The following RNF17 variants were observed in gnomAD, a reference collection of about 807,000 sequenced individuals.
RNF17 encodes ring finger protein 17, also known as spermatogenesis associated 23.
Under a neutral mutation model 200.5 loss-of-function variants are expected in RNF17, and 31 were observed. That is an observed-to-expected ratio of 0.15 (90% CI 0.12 to 0.21). The LOEUF (loss-of-function observed/expected upper bound fraction) is 0.21, where lower values mean the gene tolerates loss of function less well. Among genes scored for constraint, RNF17 ranks in the 10% least tolerant of loss-of-function variants. The pLI, the probability that RNF17 is intolerant of heterozygous loss-of-function variation, is 1.00. For missense variants in RNF17, 1,628 were observed against 1,905.1 expected (o/e 0.85, Z 2.71); for synonymous variants, 606 against 637.8 (o/e 0.95, Z 0.75).
intron 3 of RNF17, among the ~76,000 whole-genome samples, chr13:24,778,019 T>C (rs567456358): frequency 3.0e-4 from 46 of 152,166 alleles, no homozygotes; most frequent in South Asian, 8.3e-4. Context: ...CCCAGCACTT[T>C]GGGGGGCCGA....
chr13:24,863,477 A>T (rs1391110011), intron 28 of RNF17, among the ~76,000 whole-genome samples: 2 of 152,170 alleles, frequency 1.3e-5, no homozygotes, highest in Non-Finnish European at 2.9e-5. Context: ...GTTGGTAGGG[A>T]GAGCCTCAGT....
rs376217351 is a variant in RNF17 at position 24,864,254 on chromosome 13, T to C, written c.3976-619T>C. 6.6e-5 allele frequency among the ~76,000 whole-genome samples: 10 copies of C among 152,010 alleles called. No homozygotes were observed. In the East Asian group the frequency reaches 1.9e-3, roughly 29 times the overall value. Reference sequence around the variant, plus strand: ...GGGACTGCATTGGCAGAAGAGGGAATGGTAAGAAGAGATAGGACAAGATCT... The same window carrying C: ...GGGACTGCATTGGCAGAAGAGGGAACGGTAAGAAGAGATAGGACAAGATCT... On this transcript the variant is annotated intron_variant, in intron 28 of 35. Coordinates refer to ENST00000255324, the MANE Select transcript of RNF17 (RefSeq NM_031277.3).
the RNF17 span, among the ~76,000 whole-genome samples, chr13:24,754,496 G>T: frequency 6.6e-6 from 1 of 152,116 alleles, no homozygotes; most frequent in Non-Finnish European, 1.5e-5. Flanking sequence ...TATGCAATCA[G>T]AAGACGTCTG....
At chr13:24,765,743 T>G (rs1339696856) in intron 1 of RNF17, among the ~76,000 whole-genome samples, 1 of 152,212 alleles carries the variant, frequency 6.6e-6, no homozygotes. Flanking sequence ...CTGAAAGTGC[T>G]TTTTAAGCTG....
intron 9 of RNF17, among the ~76,000 whole-genome samples, chr13:24,790,761 A>T (rs1051322821): frequency 1.3e-5 from 2 of 152,198 alleles, no homozygotes; most frequent in Non-Finnish European, 2.9e-5. Flanking sequence ...GTGTCCTCAC[A>T]TGGCAGAAAG....
chr13:24,778,010 C>T (rs1015961025), intron 3 of RNF17, among the ~76,000 whole-genome samples: 8 of 151,970 alleles, frequency 5.3e-5, no homozygotes, highest in Non-Finnish European at 8.8e-5. Flanking sequence ...ACCTATAATC[C>T]CAGCACTTTG....
intron 26 of RNF17, 125 bp downstream of exon 26, chr13:24,859,289 A>T: frequency 1.5e-6 from 1 of 685,576 alleles, no homozygotes. Flanking sequence ...TAGGAAGATC[A>T]GTTATATTGT....
At chr13:24,882,889 C>CA (rs1953902276), downstream of RNF17, 9 of 385,502 alleles carry the variant, frequency 2.3e-5, no homozygotes, top group East Asian at 4.6e-4. Flanking sequence ...TTTTTATAGC[C>CA]ATTTCTAACC....
At chr13:24,799,304 CTT>C (rs2087735997) in intron 11 of RNF17, 89 bp from the exon 12 acceptor site, 1 of 968,144 alleles carries the variant, frequency 1.0e-6, no homozygotes, top group Non-Finnish European at 1.6e-6. Context: ...CGAATTAAGA[CTT>C]TTTCGTGGTA....
chr13:24,750,583 C>T, the RNF17 span: 1 of 152,220 alleles, frequency 6.6e-6, no homozygotes, highest in Non-Finnish European at 1.5e-5. Context: ...TCTTTTTCAT[C>T]TACTTATTTT....
intron 15 of RNF17, among the ~76,000 whole-genome samples, chr13:24,809,981 T>C (rs906749366): frequency 6.6e-6 from 1 of 152,214 alleles, no homozygotes; most frequent in Admixed American, 6.5e-5. Context: ...TGAGTTCTAG[T>C]TTGATTGCAC....
At chr13:24,884,058 T>C, downstream of RNF17, 1 of 1,613,756 alleles carries the variant, frequency 6.2e-7, no homozygotes, top group Non-Finnish European at 8.5e-7. Context: ...ACGTGATTTC[T>C]TTTCTTCCAT....
In RNF17 at chr13:24,859,031, T is replaced by C; in HGVS notation, c.3641T>C (p.Ile1214Thr). ...GAGCTAATAAAAATGACAAATGAAA[T>C]TCAAAGTAATTTAAAATGCCTTGGT... is the stretch of plus-strand genomic sequence containing the variant. ...EFELIKMTNE[I>T]QSNLKCLGLL... The change falls in exon 26 of 36, where the codon ATT (isoleucine) becomes ACT (threonine). Residue 1214 changes from isoleucine to threonine, a missense_variant. Ile to Thr is a moderately conservative substitution (Grantham distance 89). This residue lies in a region of RNF17 where 609 missense variants were observed against 681.9 expected (regional missense o/e 0.89). Transcript: ENST00000255324. 3 of 1,598,000 alleles carry C rather than the reference T, an allele frequency of 1.9e-6. No individual in the cohort carries two copies. Among genetic ancestry groups the C allele is most frequent in the Non-Finnish European group, 1.7e-6 (2 of 1,167,126 alleles).
chr13:24,757,321 CT>C, the RNF17 span, among the ~76,000 whole-genome samples: 31,581 of 141,554 alleles, frequency 0.22, 3,547 homozygotes, highest in East Asian at 0.41. Flanking sequence ...GGACAATATT[CT>C]TTTTTTTTTT....
At chr13:24,868,893 A>C (rs1002755372) in intron 31 of RNF17, among the ~76,000 whole-genome samples, 177 bp downstream of exon 31, 18 of 152,212 alleles carry the variant, frequency 1.2e-4, no homozygotes, top group African/African-American at 3.6e-4. Flanking sequence ...TGTTTAAGGC[A>C]AGTGTTTTTT....
intron 19 of RNF17, among the ~76,000 whole-genome samples, chr13:24,842,433 C>T (rs1454690520): frequency 6.6e-6 from 1 of 152,218 alleles, no homozygotes; most frequent in Non-Finnish European, 1.5e-5. Flanking sequence ...CGTCTTATTT[C>T]TGCTTAGGAA....
intron 24 of RNF17, 67 bp downstream of exon 24, chr13:24,851,638 T>C: frequency 3.3e-6 from 3 of 899,534 alleles, no homozygotes; most frequent in Non-Finnish European, 5.2e-6. Flanking sequence ...TGTGCAAATC[T>C]TATGTGTGCT....
At chr13:24,821,112 T>C (rs1008441111) in intron 15 of RNF17, among the ~76,000 whole-genome samples, 2 of 152,218 alleles carry the variant, frequency 1.3e-5, no homozygotes, top group African/African-American at 4.8e-5. Flanking sequence ...GGCAATCTTT[T>C]GTGCACCTTT....
At chr13:24,818,430 C>G (rs777727296) in intron 15 of RNF17, among the ~76,000 whole-genome samples, 2 of 152,094 alleles carry the variant, frequency 1.3e-5, no homozygotes, top group South Asian at 4.1e-4. Flanking sequence ...TCTTCTGTTT[C>G]CTTATTGATA....
Sources: gnomAD v4.1 joint callset for allele counts (sites outside exome capture counted in the v4.1 genomes callset) on GRCh38, gnomAD v4.1.1 for gene constraint, gnomAD v4.1.1 regional missense constraint, MANE v1.5 for transcripts, NCBI Gene and HGNC (gene_info 2026-07-23, HGNC 2026-07-21) for gene names.